The following ETFA variants were observed in gnomAD, a reference collection of about 807,000 sequenced individuals.
ETFA encodes the protein electron transfer flavoprotein subunit alpha, mitochondrial.
A neutral mutation model predicts 46.2 loss-of-function variants in ETFA; 22 were observed. The ratio of observed to expected loss-of-function variants is 0.48; its 90% CI spans 0.34 to 0.68. The LOEUF is 0.68. Ranked by LOEUF, ETFA falls within the 30% of genes least tolerant of loss-of-function variation. ETFA has a pLI of 0.01. For missense variants in ETFA, 345 were observed against 401.1 expected (o/e 0.86, Z 1.19); for synonymous variants, 131 against 139.9 (o/e 0.94, Z 0.45).
At chr15:76,263,041 T>A (rs1180687023) in intron 9 of ETFA, among the ~76,000 whole-genome samples, 2 of 152,140 alleles carry the variant, frequency 1.3e-5, no homozygotes, top group Admixed American at 6.5e-5. Context: ...CTTCTAGCAC[T>A]CCCCTTATCT....
intron 10 of ETFA, chr15:76,230,763 C>T (rs1226598670): frequency 6.5e-6 from 1 of 154,788 alleles, no homozygotes; most frequent in Non-Finnish European, 1.4e-5. Flanking sequence ...ACTTATTGCA[C>T]TTTTGATAAT....
chr15:76,229,528 G>A (rs757070540), intron 10 of ETFA, among the ~76,000 whole-genome samples: 1 of 152,230 alleles, frequency 6.6e-6, no homozygotes, highest in Non-Finnish European at 1.5e-5. Flanking sequence ...TATTTTTAGA[G>A]AAGCAGAATT....
At chr15:76,222,255 C>T (rs1213912342) in intron 11 of ETFA, among the ~76,000 whole-genome samples, 1 of 142,984 alleles carries the variant, frequency 7.0e-6, no homozygotes, top group African/African-American at 2.6e-5. Context: ...ACATAAAATA[C>T]AAAAAATAAA....
chr15:76,280,583 G>T (rs953148347), intron 8 of ETFA, among the ~76,000 whole-genome samples: 3 of 152,044 alleles, frequency 2.0e-5, no homozygotes, highest in Admixed American at 6.5e-5. Context: ...TGCAGCCAAA[G>T]TGATCCTTTA....
intron 9 of ETFA, among the ~76,000 whole-genome samples, chr15:76,271,822 A>G (rs964216066): frequency 6.6e-6 from 1 of 152,122 alleles, no homozygotes; most frequent in African/African-American, 2.4e-5. Flanking sequence ...TATAGTTTCC[A>G]AAAAAAGTTT....
chr15:76,296,039 A>G (rs922458079), intron 1 of ETFA, among the ~76,000 whole-genome samples: 1 of 138,974 alleles, frequency 7.2e-6, no homozygotes, highest in Non-Finnish European at 1.5e-5. Flanking sequence ...TCCACCTCCC[A>G]GGTTCATGCC....
At chr15:76,240,677 T>G (rs2039176699) in intron 9 of ETFA, among the ~76,000 whole-genome samples, 1 of 152,150 alleles carries the variant, frequency 6.6e-6, no homozygotes. Flanking sequence ...TGTTTTCTAA[T>G]TGTAGATTTC....
chr15:76,282,435 A>G (rs1189587831), intron 8 of ETFA, among the ~76,000 whole-genome samples: 3 of 152,152 alleles, frequency 2.0e-5, no homozygotes, highest in Non-Finnish European at 4.4e-5. Context: ...TGAGAGAAAA[A>G]CTTTGTTGCT....
chr15:76,240,657 G>A (rs1032706074), intron 9 of ETFA, among the ~76,000 whole-genome samples: 3 of 151,786 alleles, frequency 2.0e-5, no homozygotes, highest in African/African-American at 7.3e-5. Context: ...TTCAACCCTT[G>A]GCCTTTCAAT....
chr15:76,255,839 T>C (rs949326242), intron 9 of ETFA, among the ~76,000 whole-genome samples: 3 of 152,092 alleles, frequency 2.0e-5, no homozygotes, highest in South Asian at 4.1e-4. Flanking sequence ...AACACTGCCT[T>C]AGTGGTAGTT....
intron 8 of ETFA, among the ~76,000 whole-genome samples, chr15:76,281,414 T>TA (rs895579600): frequency 5.3e-5 from 8 of 151,860 alleles, no homozygotes; most frequent in African/African-American, 1.9e-4. Flanking sequence ...CCCTAACACT[T>TA]ACGACTCTCT....
intron 9 of ETFA, chr15:76,260,672 CA>C: frequency 1.9e-6 from 3 of 1,588,602 alleles, no homozygotes; most frequent in Non-Finnish European, 2.6e-6. Context: ...CCTCGGGGAT[CA>C]CTTCTTCCCA....
intron 1 of ETFA, among the ~76,000 whole-genome samples, chr15:76,307,434 T>C (rs1038276849): frequency 6.6e-6 from 1 of 151,672 alleles, no homozygotes; most frequent in Admixed American, 6.6e-5. Context: ...TGAACTTATA[T>C]CCTAATAGTT....
intron 4 of ETFA, among the ~76,000 whole-genome samples, chr15:76,289,339 T>C (rs898561407): frequency 1.3e-5 from 2 of 152,196 alleles, no homozygotes; most frequent in Non-Finnish European, 2.9e-5. Context: ...TGTTCAGGAA[T>C]TATTACTGGA....
At position 76,283,840 on chromosome 15, in the gene ETFA, TG is replaced by T; in HGVS notation, c.665-16del. 6.3e-7 allele frequency: 1 copy of T among 1,590,178 alleles called. No homozygotes were observed. ...CAAGCCTCGACCTCATTTAAAAAGA[TG>T]AAAAAAAAAAATTAGGCAAACATCA... On this transcript the variant is annotated splice_polypyrimidine_tract_variant and intron_variant, in intron 7 of 11. Coordinates refer to ENST00000557943, the MANE Select transcript of ETFA (RefSeq NM_000126.4).
In ETFA at chr15:76,262,229, A is replaced by G. The variant is rs556392047; in HGVS notation, c.816+12183T>C. Among the ~76,000 whole-genome samples, 432 of 152,042 alleles carry G rather than the reference A, an allele frequency of 2.8e-3. 1 individual carries two copies. Among genetic ancestry groups the G allele is most frequent in the Non-Finnish European group, 4.8e-3 (328 of 67,954 alleles). ...AAATGATCCAAGCTATAGAGTAGGG[A>G]AAAAAAAGAGGAAAAAGAATCAACA... On this transcript the variant is annotated intron_variant, in intron 9 of 11. Coordinates refer to ENST00000557943, the MANE Select transcript of ETFA (RefSeq NM_000126.4).
intron 9 of ETFA, chr15:76,245,095 T>C (rs1175248019): frequency 6.6e-6 from 1 of 152,232 alleles, no homozygotes; most frequent in Non-Finnish European, 1.5e-5. Flanking sequence ...AATTTATATA[T>C]ACAAACCACA....
intron 2 of ETFA, among the ~76,000 whole-genome samples, chr15:76,293,174 TAAC>T (rs960205998): frequency 2.6e-5 from 4 of 152,108 alleles, no homozygotes; most frequent in African/African-American, 9.7e-5. Flanking sequence ...ATACATTCCT[TAAC>T]AAAGAAAATC....
intron 9 of ETFA, among the ~76,000 whole-genome samples, chr15:76,241,876 C>CA (rs1416730831): frequency 0.53 from 5,517 of 10,492 alleles, 350 homozygotes; most frequent in Middle Eastern, 0.7. Flanking sequence ...CTCGCTCTGT[C>CA]GCCAGGCTGG....
Sources: gnomAD v4.1 joint callset for allele counts (sites outside exome capture counted in the v4.1 genomes callset) on GRCh38, gnomAD v4.1.1 for gene constraint, MANE v1.5 for transcripts, NCBI Gene and HGNC (gene_info 2026-07-23, HGNC 2026-07-21) for gene names.